The following PLCB1 variants were observed in gnomAD, a reference collection of about 807,000 sequenced individuals.
PLCB1 encodes the protein phospholipase C beta 1, also known as 1-phosphatidylinositol 4,5-bisphosphate phosphodiesterase beta-1.
In PLCB1, 46 loss-of-function variants were observed where a neutral mutation model predicts 161.8. The observed-to-expected ratio is 0.28, with a 90% CI of 0.22 to 0.36. The LOEUF is 0.36. Ranked by LOEUF, PLCB1 falls within the 10% of genes least tolerant of loss-of-function variation. The pLI is 1.00. For missense variants in PLCB1, 1,016 were observed against 1,472.5 expected (o/e 0.69, Z 5.07); for synonymous variants, 517 against 503.7 (o/e 1.03, Z -0.35).
At chr20:8,663,527 C>G (rs1989738768) in intron 9 of PLCB1, among the ~76,000 whole-genome samples, 1 of 152,080 alleles carries the variant, frequency 6.6e-6, no homozygotes, top group Non-Finnish European at 1.5e-5. Context: ...TTCTGAGGAC[C>G]TGCTGTAATT....
At chr20:8,362,178 C>A (rs1230080033) in intron 2 of PLCB1, among the ~76,000 whole-genome samples, 2 of 152,038 alleles carry the variant, frequency 1.3e-5, no homozygotes, top group Non-Finnish European at 2.9e-5. Context: ...AAAAATAAAA[C>A]ACGTGCTATA....
chr20:8,298,391 T>C (rs918682146), intron 2 of PLCB1, among the ~76,000 whole-genome samples: 13 of 152,014 alleles, frequency 8.6e-5, no homozygotes, highest in African/African-American at 2.9e-4. Flanking sequence ...GTTTGTGTTA[T>C]CCTTTAAAGA....
At chr20:8,752,736 T>C (rs544343574) in intron 23 of PLCB1, among the ~76,000 whole-genome samples, 5 of 149,612 alleles carry the variant, frequency 3.3e-5, no homozygotes, top group African/African-American at 9.9e-5. Flanking sequence ...GAGGTTGCAA[T>C]GAGCCAAAAT....
chr20:8,279,933 G>A (rs577706976), intron 2 of PLCB1, among the ~76,000 whole-genome samples: 10 of 152,248 alleles, frequency 6.6e-5, no homozygotes, highest in African/African-American at 2.4e-4. Flanking sequence ...AGGCGTCTTT[G>A]GGGTGCTGGC....
intron 3 of PLCB1, among the ~76,000 whole-genome samples, chr20:8,413,413 C>T (rs74183555): frequency 0.038 from 5,808 of 152,260 alleles, 160 homozygotes; most frequent in Non-Finnish European, 0.057. Context: ...GAACAATGAG[C>T]AGTCTGGATT....
chr20:8,147,572 C>G (rs528089573), intron 1 of PLCB1, among the ~76,000 whole-genome samples: 11 of 152,142 alleles, frequency 7.2e-5, no homozygotes, highest in Admixed American at 2.0e-4. Context: ...GGTGGGAAAA[C>G]AAGCAGGTGG....
intron 3 of PLCB1, among the ~76,000 whole-genome samples, chr20:8,380,031 C>G (rs547693002): frequency 5.3e-5 from 8 of 152,272 alleles, no homozygotes; most frequent in African/African-American, 1.9e-4. Flanking sequence ...GTCATGAAGT[C>G]TTTGCACATA....
In PLCB1 at chr20:8,855,217, C is replaced by A. The variant is rs893907725; in HGVS notation, c.3424-26405C>A. On this transcript the variant is annotated intron_variant, in intron 31 of 31. Coordinates refer to ENST00000338037, the MANE Select transcript of PLCB1 (RefSeq NM_015192.4). ...GGGTGCAGGGGAGAGCAGATTCTTC[C>A]CCCCCCACTCACTCCCACCAATTCT... 2.3e-3 allele frequency among the ~76,000 whole-genome samples: 243 copies of A among 104,064 alleles called. 1 individual carries two copies. Among genetic ancestry groups the A allele is most frequent in the Non-Finnish European group, 3.9e-3 (184 of 47,442 alleles). 68.3% of individuals were successfully genotyped at this position (104,064 alleles called of 152,430 possible).
At position 8,224,907 on chromosome 20, in the gene PLCB1, A is replaced by G. The variant is rs181755437; in HGVS notation, c.177+74536A>G. On this transcript the variant is annotated intron_variant, in intron 2 of 31. Coordinates refer to ENST00000338037, the MANE Select transcript of PLCB1 (RefSeq NM_015192.4). The stretch of plus-strand genomic sequence containing the variant: ...ATCACAGTGTGTACTCATTTATATC[A>G]TGGCTTCTTCAGCTCATTATGCTTG... Among the ~76,000 whole-genome samples, 19 of 152,312 alleles carry G rather than the reference A, an allele frequency of 1.2e-4. No homozygotes were observed. In the East Asian group the frequency reaches 3.1e-3, roughly 25 times the overall value.
chr20:8,788,753 G>T, intron 29 of PLCB1, 31 bp downstream of exon 29: 2 of 1,345,732 alleles, frequency 1.5e-6, no homozygotes, highest in Non-Finnish European at 2.1e-6. Context: ...CTCCCAAACA[G>T]TTCATCTGGG....
At chr20:8,666,015 C>A (rs752362576) in intron 9 of PLCB1, among the ~76,000 whole-genome samples, 1 of 152,288 alleles carries the variant, frequency 6.6e-6, no homozygotes, top group Admixed American at 6.5e-5. Context: ...CTCTTCAGGG[C>A]CTTCTATCAG....
intron 26 of PLCB1, among the ~76,000 whole-genome samples, chr20:8,769,584 A>T (rs888288844): frequency 2.0e-5 from 3 of 152,226 alleles, no homozygotes; most frequent in Non-Finnish European, 4.4e-5. Context: ...AGGAAATCTT[A>T]TGTAGAATTG....
At chr20:8,185,961 TA>T (rs2051899857) in intron 2 of PLCB1, among the ~76,000 whole-genome samples, 1 of 152,184 alleles carries the variant, frequency 6.6e-6, no homozygotes, top group African/African-American at 2.4e-5. Context: ...TGAAAACCTT[TA>T]AAATCTTTTG....
At chr20:8,192,401 A>C (rs1294930834) in intron 2 of PLCB1, among the ~76,000 whole-genome samples, 1 of 152,038 alleles carries the variant, frequency 6.6e-6, no homozygotes, top group African/African-American at 2.4e-5. Flanking sequence ...AACACTAAAG[A>C]ACAACATAAA....
chr20:8,496,042 C>T (rs536142021), intron 3 of PLCB1, among the ~76,000 whole-genome samples: 1 of 152,290 alleles, frequency 6.6e-6, no homozygotes, highest in Non-Finnish European at 1.5e-5. Context: ...ATAGACATTG[C>T]TTTTTTCTTT....
chr20:8,871,453 A>G (rs1987606707), intron 31 of PLCB1, among the ~76,000 whole-genome samples: 1 of 152,208 alleles, frequency 6.6e-6, no homozygotes, highest in Non-Finnish European at 1.5e-5. Context: ...TCCTTCATAA[A>G]GTATTTCCCA....
rs1239121109 is a variant in PLCB1 at position 8,132,977 on chromosome 20, G to C, written c.99+227G>C. Among the ~76,000 whole-genome samples, 1 of 152,152 alleles carries C rather than the reference G, an allele frequency of 6.6e-6. No homozygotes were observed. Among genetic ancestry groups the C allele is most frequent in the African/African-American group, 2.4e-5 (1 of 41,438 alleles). On this transcript the variant is annotated intron_variant, in intron 1 of 31. Coordinates refer to ENST00000338037, the MANE Select transcript of PLCB1 (RefSeq NM_015192.4). The surrounding 1 kb of genome is among the most constrained non-coding windows in gnomAD (Gnocchi z 5.2). ...AGTAGTTGCCATCCTTTCTGGGTCT[G>C]GCAGGCGCCCCCTGAGGGTCTTACA...
intron 2 of PLCB1, among the ~76,000 whole-genome samples, chr20:8,356,378 G>C (rs1986362876): frequency 6.6e-6 from 1 of 152,146 alleles, no homozygotes; most frequent in African/African-American, 2.4e-5. Context: ...AGTTCAGAAA[G>C]TCTGGGATGT....
intron 17 of PLCB1, 57 bp from the exon 18 acceptor site, chr20:8,728,993 A>G: frequency 8.4e-7 from 1 of 1,196,378 alleles, no homozygotes; most frequent in Non-Finnish European, 1.1e-6. Flanking sequence ...CTTCTTAGTT[A>G]CTATTATTGA....
Sources: gnomAD v4.1 joint callset for allele counts (sites outside exome capture counted in the v4.1 genomes callset) on GRCh38, gnomAD v4.1.1 for gene constraint, Gnocchi (gnomAD v3.1) non-coding constraint, MANE v1.5 for transcripts, NCBI Gene and HGNC (gene_info 2026-07-23, HGNC 2026-07-21) for gene names.